Variants in FAM241A observed in about 807,000 individuals in gnomAD.
The protein encoded by FAM241A is uncharacterized protein FAM241A.
A neutral mutation model predicts 12.2 loss-of-function variants in FAM241A; 7 were observed. The observed-to-expected ratio is 0.58, with a 90% confidence interval of 0.33 to 1.08. The LOEUF is 1.08. Among genes scored for constraint, FAM241A ranks in the 50% least tolerant of loss-of-function variants. FAM241A has a pLI of 0.04. For missense variants in FAM241A, 161 were observed against 169.7 expected (o/e 0.95, Z 0.29); for synonymous variants, 74 against 68.2 (o/e 1.08, Z -0.42).
chr4:112,153,979 C>G (rs1723301133), intron 1 of FAM241A, among the ~76,000 whole-genome samples: 1 of 151,800 alleles, frequency 6.6e-6, no homozygotes, highest in Non-Finnish European at 1.5e-5. Flanking sequence ...CCAATTAATC[C>G]AAAATAATTT....
chr4:112,151,255 C>G (rs1408864063), intron 1 of FAM241A, among the ~76,000 whole-genome samples: 1 of 152,122 alleles, frequency 6.6e-6, no homozygotes, highest in East Asian at 1.9e-4. Context: ...CTCTCTCCTT[C>G]CCTCCCTCCC....
At chr4:112,172,560 A>G (rs969733515) in intron 1 of FAM241A, among the ~76,000 whole-genome samples, 10 of 152,222 alleles carry the variant, frequency 6.6e-5, no homozygotes, top group African/African-American at 2.4e-4. Context: ...GATTTAGTTT[A>G]TGACCAAATT....
At chr4:112,156,085 TA>T (rs1204935323) in intron 1 of FAM241A, among the ~76,000 whole-genome samples, 1 of 152,186 alleles carries the variant, frequency 6.6e-6, no homozygotes, top group Non-Finnish European at 1.5e-5. Flanking sequence ...CAGGATAGAG[TA>T]ATATAGAAAT....
intron 1 of FAM241A, among the ~76,000 whole-genome samples, chr4:112,180,278 A>C (rs1258953375): frequency 6.6e-6 from 1 of 152,116 alleles, no homozygotes; most frequent in African/African-American, 2.4e-5. Flanking sequence ...GAGTGATGGA[A>C]TATATACCCC....
At chr4:112,154,967 G>T (rs1162843457) in intron 1 of FAM241A, among the ~76,000 whole-genome samples, 2 of 152,116 alleles carry the variant, frequency 1.3e-5, no homozygotes, top group Non-Finnish European at 2.9e-5. Context: ...CCAGGAGGCA[G>T]AGGTTGCAGT....
chr4:112,161,604 A>T (rs563339599), intron 1 of FAM241A, among the ~76,000 whole-genome samples: 2 of 152,310 alleles, frequency 1.3e-5, no homozygotes, highest in East Asian at 3.9e-4. Context: ...CCCAAGACTA[A>T]ACCGGGAAGA....
chr4:112,188,088 C>T lies in FAM241A; in HGVS notation c.*1150C>T, dbSNP rs545587079. 77 of 152,152 alleles carry T rather than the reference C, an allele frequency of 5.1e-4. 1 individual carries two copies. The highest frequency in any genetic ancestry group is 4.1e-3 in the Admixed American group (62 of 15,292). 9.4% of individuals were successfully genotyped at this position (152,152 alleles called of 1,614,324 possible). On this transcript the variant is annotated 3_prime_UTR_variant, in exon 2 of 2. Transcript: ENST00000309733. The stretch of plus-strand genomic sequence containing the variant: ...CATTTTCAGGTTTTATATTGAAATA[C>T]GCATTTCTTTAAATATTCTTTGAAA...
intron 1 of FAM241A, among the ~76,000 whole-genome samples, chr4:112,147,046 G>T (rs551327424): frequency 6.6e-6 from 1 of 152,208 alleles, no homozygotes; most frequent in African/African-American, 2.4e-5. Context: ...TTGCATTTGA[G>T]CAGGGGTTTC....
At chr4:112,171,701 T>TG (rs1449805696) in intron 1 of FAM241A, among the ~76,000 whole-genome samples, 1 of 151,870 alleles carries the variant, frequency 6.6e-6, no homozygotes, top group East Asian at 1.9e-4. Flanking sequence ...CTACTAAAAA[T>TG]ATAAAAAATT....
intron 1 of FAM241A, among the ~76,000 whole-genome samples, chr4:112,149,015 G>A (rs1723193657): frequency 1.3e-5 from 2 of 152,028 alleles, no homozygotes; most frequent in Admixed American, 1.3e-4. Context: ...TAAAAGTAAT[G>A]TGTGCTTTGG....
At position 112,161,506 on chromosome 4, in the gene FAM241A, C is replaced by T. The variant is rs558300267; in HGVS notation, c.153+15773C>T. Among the ~76,000 whole-genome samples, 233 of 152,284 alleles carry T rather than the reference C, an allele frequency of 1.5e-3. 1 individual carries two copies. The highest frequency in any genetic ancestry group is 2.5e-3 in the Non-Finnish European group (172 of 68,024). ...ACCACCAATCCCACGGAAATACAAA[C>T]TACCATCAGAGAATACTATAAACAC... is the stretch of plus-strand genomic sequence containing the variant. On this transcript the variant is annotated intron_variant, in intron 1 of 1. Transcript: ENST00000309733.
At position 112,171,292 on chromosome 4, in the gene FAM241A, A is replaced by T. The variant is rs370286462; in HGVS notation, c.154-15401A>T. 5 of 755,168 alleles carry T rather than the reference A, an allele frequency of 6.6e-6. No homozygotes were observed. In the African/African-American group the frequency reaches 8.5e-5, roughly 13 times the overall value. The allele number at this position is 755,168 out of a possible 1,614,324, so 46.8% of individuals were successfully genotyped here. A position where few individuals can be genotyped will look rare whatever the true frequency, so the allele number is the denominator to read the frequency against. On this transcript the variant is annotated intron_variant, in intron 1 of 1. Coordinates refer to ENST00000309733, the MANE Select transcript of FAM241A (RefSeq NM_152400.3). The stretch of plus-strand genomic sequence containing the variant: ...CACCAACCCCACAAAATGACACAGT[A>T]CAAGAAGGGCAAGGATTCTCTGTAT...
intron 1 of FAM241A, among the ~76,000 whole-genome samples, chr4:112,160,279 G>A (rs560692912): frequency 2.7e-4 from 41 of 151,844 alleles, no homozygotes; most frequent in Non-Finnish European, 5.2e-4. Flanking sequence ...ATGGTGATGC[G>A]TGCCTGTAAT....
At chr4:112,179,799 AAATC>A (rs1723892331) in intron 1 of FAM241A, among the ~76,000 whole-genome samples, 1 of 149,242 alleles carries the variant, frequency 6.7e-6, no homozygotes, top group Non-Finnish European at 1.5e-5. Context: ...CAAATAAAAT[AAATC>A]GTTTTACCAA....
intron 1 of FAM241A, among the ~76,000 whole-genome samples, chr4:112,169,498 A>G (rs1723673045): frequency 6.6e-6 from 1 of 152,236 alleles, no homozygotes; most frequent in Non-Finnish European, 1.5e-5. Flanking sequence ...CCTCTAAGAA[A>G]GAGACAACAA....
At chr4:112,155,975 G>A (rs141246453) in intron 1 of FAM241A, among the ~76,000 whole-genome samples, 151 of 152,250 alleles carry the variant, frequency 9.9e-4, no homozygotes, top group Non-Finnish European at 1.9e-3. Flanking sequence ...TGAAAGTATA[G>A]CAGCTAGTAA....
rs1724089179 is a variant in FAM241A, at chr4:112,188,480, T to A, written c.*1542T>A. The A allele has an allele frequency of 6.6e-6, 1 of 152,214 alleles. No homozygotes were observed. Among genetic ancestry groups the A allele is most frequent in the African/African-American group, 2.4e-5 (1 of 41,468 alleles). The allele number at this position is 152,214 out of a possible 1,614,324, so 9.4% of individuals were successfully genotyped here. On this transcript the variant is annotated 3_prime_UTR_variant, in exon 2 of 2. Transcript: ENST00000309733. Reference sequence around the variant, plus strand: ...AAAAAGTATTGCACATTTATATAAATACAGTCCTTTTAAAATTTGACTTTT... The same window carrying A: ...AAAAAGTATTGCACATTTATATAAAAACAGTCCTTTTAAAATTTGACTTTT...
chr4:112,193,224 T>C lies in FAM241A; in HGVS notation c.*6286T>C, dbSNP rs540039746. The C allele has an allele frequency of 2.0e-3, 305 of 151,932 alleles. 1 individual carries two copies. The highest frequency in any genetic ancestry group is 0.014 in the Middle Eastern group (4 of 294). The allele number at this position is 151,932 out of a possible 1,614,324, so 9.4% of individuals were successfully genotyped here. A position where few individuals can be genotyped will look rare whatever the true frequency, so the allele number is the denominator to read the frequency against. On this transcript the variant is annotated 3_prime_UTR_variant, in exon 2 of 2. Transcript: ENST00000309733. ...TTTTTTTCTTGTAAATTTGTTTGAG[T>C]TCATTGTAGATTCTGGATATTAGCC...
intron 1 of FAM241A, among the ~76,000 whole-genome samples, chr4:112,170,427 C>G (rs1578375576): frequency 1.3e-5 from 2 of 152,262 alleles, no homozygotes; most frequent in Non-Finnish European, 2.9e-5. Flanking sequence ...TAAATTAGAA[C>G]AACTATAATA....
Sources: gnomAD v4.1 joint callset for allele counts (sites outside exome capture counted in the v4.1 genomes callset) on GRCh38, gnomAD v4.1.1 for gene constraint, MANE v1.5 for transcripts, NCBI Gene and HGNC (gene_info 2026-07-23, HGNC 2026-07-21) for gene names.